TRIM55: variants seen among roughly 807,000 people sequenced by gnomAD.
The protein encoded by TRIM55 is tripartite motif containing 55.
TRIM55 carries 50 observed loss-of-function variants against 60.9 expected under a neutral mutation model. The ratio of observed to expected loss-of-function variants is 0.82; its 90% CI spans 0.65 to 1.04. The LOEUF (loss-of-function observed/expected upper bound fraction) is 1.04, where lower values mean the gene tolerates loss of function less well. Among genes scored for constraint, TRIM55 ranks in the 50% least tolerant of loss-of-function variants. The pLI, the probability that TRIM55 is intolerant of heterozygous loss-of-function variation, is 0.00. For missense variants in TRIM55, 681 were observed against 666.9 expected, an observed-to-expected ratio of 1.02 and a Z score of -0.23; for synonymous variants, 237 against 238.1, an observed-to-expected ratio of 1.00 and a Z score of 0.04.
At position 66,128,422 on chromosome 8, in the gene TRIM55, A is replaced by G. The variant is rs1273426459; in HGVS notation, c.287A>G (p.Gln96Arg). 7 of 1,613,764 alleles carry G rather than the reference A, an allele frequency of 4.3e-6. No individual in the cohort carries two copies. Among genetic ancestry groups the G allele is most frequent in the Non-Finnish European group, 5.1e-6 (6 of 1,179,880 alleles). Residue 96 changes from glutamine to arginine, a missense_variant, in exon 2 of 10, where the codon CAG becomes CGG. By Grantham distance (43) the Gln-to-Arg change is conservative. Transcript: ENST00000315962. ...VLDRHGVYGL[Q>R]RNLLVENIID... ...GATAGACATGGGGTATATGGACTTC[A>G]GAGGAACCTGCTGGTGGAAAATATC...
chr8:66,151,850 TAATAAATAAATAAATAAATAAATAAATA>T (rs199757226), intron 7 of TRIM55, among the ~76,000 whole-genome samples: 3 of 142,636 alleles, frequency 2.1e-5, no homozygotes, highest in Admixed American at 7.0e-5. Flanking sequence ...TCTCAAAAAA[TAATAAATAAATAAATAAATAAATAAATA>T]AATAAATAAA....
upstream of TRIM55, among the ~76,000 whole-genome samples, chr8:66,122,590 G>A (rs911293290): frequency 6.6e-5 from 10 of 152,048 alleles, no homozygotes; most frequent in African/African-American, 1.7e-4. Context: ...TCAGATTTTC[G>A]GGGTTCACAA....
chr8:66,120,711 T>C, the TRIM55 span, among the ~76,000 whole-genome samples: 4 of 152,202 alleles, frequency 2.6e-5, no homozygotes, highest in Admixed American at 2.6e-4. Flanking sequence ...ACATGGAAGT[T>C]CACATTTGGG....
intron 9 of TRIM55, among the ~76,000 whole-genome samples, chr8:66,174,227 CTGCA>C (rs1466885022): frequency 6.6e-6 from 1 of 151,320 alleles, no homozygotes; most frequent in Non-Finnish European, 1.5e-5. Flanking sequence ...CTTCTCTCCA[CTGCA>C]TGCATTACTG....
In TRIM55 at chr8:66,173,723, T is replaced by G. The variant is rs566976350; in HGVS notation, c.1525-748T>G. Among the ~76,000 whole-genome samples the G allele has an allele frequency of 2.1e-4, 32 of 152,308 alleles. 1 individual carries two copies. In the South Asian group the frequency reaches 6.4e-3, roughly 31 times the overall value. ...AGACTTCTTCCTGATTGTCCCTCAT[T>G]CCATTAAGTTGTGATTTTTAAAGGC... is the stretch of plus-strand genomic sequence containing the variant. On this transcript the variant is annotated intron_variant, in intron 9 of 9. Transcript: ENST00000315962.
At chr8:66,123,742 C>T (rs535244793), upstream of TRIM55, among the ~76,000 whole-genome samples, 3 of 152,248 alleles carry the variant, frequency 2.0e-5, no homozygotes, top group African/African-American at 7.2e-5. Context: ...CCTGTAGTAC[C>T]AGCTACTCAG....
intron 3 of TRIM55, 117 bp downstream of exon 3, chr8:66,135,272 G>A: frequency 1.9e-6 from 2 of 1,061,524 alleles, no homozygotes; most frequent in Non-Finnish European, 2.9e-6. Flanking sequence ...GCCACGCAGG[G>A]CCATGGGACA....
At position 66,136,029 on chromosome 8, in the gene TRIM55, G is replaced by A. The variant is rs187782243; in HGVS notation, c.507+874G>A. On this transcript the variant is annotated intron_variant, in intron 3 of 9. Coordinates refer to ENST00000315962, the MANE Select transcript of TRIM55 (RefSeq NM_184085.2). Reference sequence around the variant, plus strand: ...AAGATCAGTGCTGAAATCAAATTTGGAAGCAAAACTCTTGGGCAACACCAA... The same window carrying A: ...AAGATCAGTGCTGAAATCAAATTTGAAAGCAAAACTCTTGGGCAACACCAA... Among the ~76,000 whole-genome samples, 34 of 152,238 alleles carry A rather than the reference G, an allele frequency of 2.2e-4. 1 individual carries two copies. In the East Asian group the frequency reaches 5.8e-3, roughly 26 times the overall value.
intron 9 of TRIM55, among the ~76,000 whole-genome samples, chr8:66,158,899 A>T (rs537244853): frequency 6.6e-6 from 1 of 152,262 alleles, no homozygotes; most frequent in African/African-American, 2.4e-5. Flanking sequence ...AGCCATGATG[A>T]CTCCACTCTG....
chr8:66,114,902 G>A, the TRIM55 span: 1 of 280,484 alleles, frequency 3.6e-6, no homozygotes, highest in Non-Finnish European at 7.1e-6. Context: ...AGAATTAATT[G>A]GATAAAAGTT....
intron 3 of TRIM55, among the ~76,000 whole-genome samples, chr8:66,136,263 T>G (rs1309476848): frequency 6.6e-6 from 1 of 152,200 alleles, no homozygotes; most frequent in Non-Finnish European, 1.5e-5. Flanking sequence ...AAGAACAGAC[T>G]GGTGGGACCC....
the TRIM55 span, among the ~76,000 whole-genome samples, chr8:66,114,339 T>G: frequency 6.6e-6 from 1 of 152,068 alleles, no homozygotes; most frequent in Non-Finnish European, 1.5e-5. Flanking sequence ...CGAAGTCAGG[T>G]GAAGAGTAGG....
chr8:66,141,633 A>T (rs1478763338), intron 4 of TRIM55, among the ~76,000 whole-genome samples: 8 of 152,216 alleles, frequency 5.3e-5, no homozygotes, highest in Non-Finnish European at 1.0e-4. Flanking sequence ...TGGATACTTA[A>T]GGGCACAGGC....
At chr8:66,128,892 T>C (rs1239582674) in intron 2 of TRIM55, among the ~76,000 whole-genome samples, 1 of 152,202 alleles carries the variant, frequency 6.6e-6, no homozygotes, top group Non-Finnish European at 1.5e-5. Context: ...AGAAATGGCA[T>C]CTTCCGAAGT....
At chr8:66,162,259 T>A (rs1586245546) in intron 9 of TRIM55, among the ~76,000 whole-genome samples, 2 of 152,300 alleles carry the variant, frequency 1.3e-5, no homozygotes, top group Middle Eastern at 6.8e-3. Context: ...ATGCTTTTTC[T>A]GCATCTGTTG....
intron 4 of TRIM55, among the ~76,000 whole-genome samples, chr8:66,143,795 T>C (rs1440222424): frequency 6.6e-6 from 1 of 152,202 alleles, no homozygotes; most frequent in Non-Finnish European, 1.5e-5. Flanking sequence ...TGCTGGGAAC[T>C]AGTGATGAGC....
chr8:66,148,278 C>A (rs1563376937), intron 4 of TRIM55, among the ~76,000 whole-genome samples: 1 of 152,204 alleles, frequency 6.6e-6, no homozygotes, highest in Non-Finnish European at 1.5e-5. Context: ...CTGGATGGTA[C>A]TGGAGATACT....
chr8:66,157,049 G>T (rs571314354), intron 9 of TRIM55, among the ~76,000 whole-genome samples: 3 of 152,298 alleles, frequency 2.0e-5, no homozygotes, highest in South Asian at 4.1e-4. Flanking sequence ...TGTCTGAAGG[G>T]TTCTGTTTAC....
At chr8:66,159,306 C>G (rs1810917575) in intron 9 of TRIM55, among the ~76,000 whole-genome samples, 1 of 152,218 alleles carries the variant, frequency 6.6e-6, no homozygotes, top group Non-Finnish European at 1.5e-5. Flanking sequence ...GCTTTTATAA[C>G]TGGCTTTTTT....
Sources: gnomAD v4.1 joint callset for allele counts (sites outside exome capture counted in the v4.1 genomes callset) on GRCh38, gnomAD v4.1.1 for gene constraint, MANE v1.5 for transcripts, NCBI Gene and HGNC (gene_info 2026-07-23, HGNC 2026-07-21) for gene names.